ADGRL2: variants seen among roughly 807,000 people sequenced by gnomAD.
The protein encoded by ADGRL2 is adhesion G protein-coupled receptor L2, also known as calcium-independent alpha-latrotoxin receptor 2.
Under a neutral mutation model 157.4 loss-of-function variants are expected in ADGRL2, and 44 were observed. The observed-to-expected ratio is 0.28, with a 90% CI of 0.22 to 0.36. The LOEUF is 0.36. Among genes scored for constraint, ADGRL2 ranks in the 10% least tolerant of loss-of-function variants. ADGRL2 has a pLI of 1.00. For synonymous variants in ADGRL2, 585 were observed against 624.7 expected (o/e 0.94, Z 0.95); for missense variants, 1,510 against 1,768.9 (o/e 0.85, Z 2.63).
intron 1 of ADGRL2, among the ~76,000 whole-genome samples, chr1:81,309,816 A>G (rs1235706013): frequency 1.3e-5 from 2 of 152,126 alleles, no homozygotes; most frequent in East Asian, 3.9e-4. Flanking sequence ...TTTTCTGTCT[A>G]AAGAGCAAGA....
At chr1:81,829,899 T>C (rs561734204) in intron 1 of ADGRL2, among the ~76,000 whole-genome samples, 1 of 152,288 alleles carries the variant, frequency 6.6e-6, no homozygotes, top group South Asian at 2.1e-4. Flanking sequence ...TAGGGGCAGG[T>C]TGAGCCACGA....
At chr1:81,734,174 G>C (rs1301357746) in intron 1 of ADGRL2, among the ~76,000 whole-genome samples, 1 of 150,560 alleles carries the variant, frequency 6.6e-6, no homozygotes, top group African/African-American at 2.4e-5. Flanking sequence ...TACTCGGAAG[G>C]CTGAGGCAGG....
chr1:81,314,680 A>G (rs2100573951), intron 1 of ADGRL2, among the ~76,000 whole-genome samples: 1 of 152,324 alleles, frequency 6.6e-6, no homozygotes, highest in African/African-American at 2.4e-5. Flanking sequence ...TATTGGACAT[A>G]AAGTTCCTCT....
At chr1:81,375,762 C>G (rs116324559) in intron 1 of ADGRL2, among the ~76,000 whole-genome samples, 3 of 152,052 alleles carry the variant, frequency 2.0e-5, no homozygotes, top group African/African-American at 7.2e-5. Flanking sequence ...TTTCTGGACC[C>G]CCCTCCATGG....
chr1:81,901,800 T>C (rs1453592591), intron 2 of ADGRL2, among the ~76,000 whole-genome samples: 1 of 152,170 alleles, frequency 6.6e-6, no homozygotes, highest in African/African-American at 2.4e-5. Context: ...GTGGAAGAGG[T>C]TGAGCTATAT....
At chr1:81,952,912 T>C (rs1218452006) in intron 9 of ADGRL2, 75 bp from the exon 10 acceptor site, 1 of 1,205,122 alleles carries the variant, frequency 8.3e-7, no homozygotes, top group Non-Finnish European at 1.2e-6. Flanking sequence ...AGCTTAATTT[T>C]TGAGGATTTC....
chr1:81,353,241 T>G (rs770460505), intron 1 of ADGRL2, among the ~76,000 whole-genome samples: 3 of 152,178 alleles, frequency 2.0e-5, no homozygotes, highest in Non-Finnish European at 4.4e-5. Context: ...ATGAAAGGTA[T>G]GAGAATCGGA....
chr1:81,552,589 T>C (rs1445028757), intron 2 of ADGRL2, among the ~76,000 whole-genome samples: 2 of 125,476 alleles, frequency 1.6e-5, no homozygotes, highest in Non-Finnish European at 3.2e-5. Context: ...ACGTAGAGTA[T>C]ATGAAACTTT....
chr1:81,634,597 C>T (rs562396803), intron 3 of ADGRL2, among the ~76,000 whole-genome samples: 32 of 151,082 alleles, frequency 2.1e-4, no homozygotes, highest in Non-Finnish European at 1.8e-4. Flanking sequence ...TGCAGTGGTG[C>T]GATCTTGGCT....
chr1:81,826,119 AT>A (rs1422953595), intron 1 of ADGRL2, among the ~76,000 whole-genome samples: 1 of 152,172 alleles, frequency 6.6e-6, no homozygotes, highest in Non-Finnish European at 1.5e-5. Flanking sequence ...TTTCAAAACT[AT>A]TGGAGACTAG....
intron 3 of ADGRL2, among the ~76,000 whole-genome samples, chr1:81,639,877 T>A (rs193096477): frequency 6.6e-6 from 1 of 152,298 alleles, no homozygotes; most frequent in Admixed American, 6.5e-5. Context: ...GATTACCTAC[T>A]AACTAAATAA....
intron 2 of ADGRL2, among the ~76,000 whole-genome samples, chr1:81,524,873 C>G (rs1345627260): frequency 2.0e-5 from 3 of 151,894 alleles, no homozygotes; most frequent in African/African-American, 7.3e-5. Context: ...CCACTGCATT[C>G]TAGCCTGGGC....
At chr1:81,511,121 A>G (rs2079067429) in intron 2 of ADGRL2, among the ~76,000 whole-genome samples, 1 of 152,270 alleles carries the variant, frequency 6.6e-6, no homozygotes, top group South Asian at 2.1e-4. Context: ...TTTACATTAT[A>G]TCTATAACAA....
chr1:81,902,274 T>C (rs1405819366), intron 2 of ADGRL2, among the ~76,000 whole-genome samples: 1 of 152,028 alleles, frequency 6.6e-6, no homozygotes, highest in Non-Finnish European at 1.5e-5. Context: ...TAAGAGAGAA[T>C]AGATTGGAAA....
At chr1:81,615,047 A>AT (rs1051465428) in intron 3 of ADGRL2, among the ~76,000 whole-genome samples, 2 of 152,086 alleles carry the variant, frequency 1.3e-5, no homozygotes, top group African/African-American at 4.8e-5. Flanking sequence ...ATAAAAACAG[A>AT]TATCAGTAAA....
At chr1:81,653,232 C>T (rs919401191) in intron 3 of ADGRL2, among the ~76,000 whole-genome samples, 3 of 151,762 alleles carry the variant, frequency 2.0e-5, no homozygotes, top group African/African-American at 7.3e-5. Context: ...CTCCATTACT[C>T]AGTACATGTA....
At chr1:81,368,446 A>G (rs934780004) in intron 1 of ADGRL2, among the ~76,000 whole-genome samples, 1 of 152,108 alleles carries the variant, frequency 6.6e-6, no homozygotes, top group Non-Finnish European at 1.5e-5. Context: ...AGTGTTAGCT[A>G]TCTCTACCTC....
intron 1 of ADGRL2, among the ~76,000 whole-genome samples, chr1:81,308,544 A>G (rs1659511483): frequency 6.6e-6 from 1 of 152,188 alleles, no homozygotes; most frequent in Non-Finnish European, 1.5e-5. Flanking sequence ...CTGAGGATAG[A>G]TATAAAAAGT....
intron 1 of ADGRL2, among the ~76,000 whole-genome samples, chr1:81,703,969 A>G (rs2083653883): frequency 1.3e-5 from 2 of 152,252 alleles, no homozygotes; most frequent in Admixed American, 6.5e-5. Context: ...AAAAGAGCTT[A>G]GTCTTTAAGG....
Sources: gnomAD v4.1 joint callset for allele counts (sites outside exome capture counted in the v4.1 genomes callset) on GRCh38, gnomAD v4.1.1 for gene constraint, MANE v1.5 for transcripts, NCBI Gene and HGNC (gene_info 2026-07-23, HGNC 2026-07-21) for gene names.